The following TRAPPC12 variants were observed in gnomAD, a reference collection of about 807,000 sequenced individuals.
The protein encoded by TRAPPC12 is TPR repeat protein 15.
TRAPPC12 carries 61 observed loss-of-function variants against 69.2 expected under a neutral mutation model. That is an observed-to-expected ratio of 0.88 (90% CI 0.72 to 1.09). TRAPPC12 has a LOEUF of 1.09. Ranked by LOEUF, TRAPPC12 falls within the 50% of genes least tolerant of loss-of-function variation. The probability of loss-of-function intolerance (pLI) is 0.00; values close to 1 mark genes in which losing one functional copy is unlikely to be tolerated. For missense variants in TRAPPC12, 1,101 were observed against 1,016.4 expected, an observed-to-expected ratio of 1.08 and a Z score of -1.13; for synonymous variants, 469 against 438.9, an observed-to-expected ratio of 1.07 and a Z score of -0.86.
At chr2:3,430,679 CT>C (rs1203671172) in intron 5 of TRAPPC12, among the ~76,000 whole-genome samples, 1 of 152,194 alleles carries the variant, frequency 6.6e-6, no homozygotes, top group South Asian at 2.1e-4. Flanking sequence ...CAAACATAAC[CT>C]TTTTTGTTCG....
chr2:3,442,921 C>T (rs1280433164), intron 5 of TRAPPC12, among the ~76,000 whole-genome samples: 1 of 152,236 alleles, frequency 6.6e-6, no homozygotes, highest in African/African-American at 2.4e-5. Flanking sequence ...TGTGATTGCC[C>T]TCTGGCATTT....
intron 3 of TRAPPC12, among the ~76,000 whole-genome samples, chr2:3,419,385 A>G (rs1162159134): frequency 6.6e-6 from 1 of 152,258 alleles, no homozygotes; most frequent in Non-Finnish European, 1.5e-5. Flanking sequence ...ATTGCATTGA[A>G]TTTAGACTAG....
At chr2:3,417,039 G>C (rs1249158372) in intron 3 of TRAPPC12, among the ~76,000 whole-genome samples, 2 of 151,952 alleles carry the variant, frequency 1.3e-5, no homozygotes, top group Non-Finnish European at 2.9e-5. Flanking sequence ...CCTCTCCCTG[G>C]CACATGCTTC....
At chr2:3,478,354 C>T (rs1395561669) in intron 10 of TRAPPC12, among the ~76,000 whole-genome samples, 3 of 152,282 alleles carry the variant, frequency 2.0e-5, no homozygotes, top group South Asian at 4.1e-4. Context: ...GTGGCTTGGC[C>T]GGGTGCAGTG....
intron 6 of TRAPPC12, among the ~76,000 whole-genome samples, chr2:3,449,813 G>C (rs1371607837): frequency 1.3e-5 from 2 of 152,142 alleles, no homozygotes; most frequent in Non-Finnish European, 2.9e-5. Context: ...CTTCTTTTCT[G>C]CTGCTTCCAC....
chr2:3,440,994 A>G (rs1664172289), intron 5 of TRAPPC12, among the ~76,000 whole-genome samples: 1 of 152,222 alleles, frequency 6.6e-6, no homozygotes, highest in African/African-American at 2.4e-5. Flanking sequence ...GCATACCTGG[A>G]ATAAATTCTG....
chr2:3,398,560 C>T (rs572310498), intron 2 of TRAPPC12, among the ~76,000 whole-genome samples: 3 of 152,324 alleles, frequency 2.0e-5, no homozygotes, highest in East Asian at 1.9e-4. Context: ...AGCGCTACCC[C>T]GTGAGCATTT....
intron 3 of TRAPPC12, among the ~76,000 whole-genome samples, chr2:3,402,392 C>T (rs1447753644): frequency 1.3e-5 from 2 of 152,118 alleles, no homozygotes; most frequent in African/African-American, 2.4e-5. Flanking sequence ...GAGTTCAAGA[C>T]CAGCCTGGCC....
intron 6 of TRAPPC12, among the ~76,000 whole-genome samples, chr2:3,453,755 G>A (rs898045134): frequency 2.0e-5 from 3 of 152,180 alleles, no homozygotes; most frequent in African/African-American, 4.8e-5. Flanking sequence ...ATTTGCAAAC[G>A]ACACACTGTC....
chr2:3,465,409 T>A (rs773878035), intron 8 of TRAPPC12, among the ~76,000 whole-genome samples, 188 bp from the exon 9 acceptor site: 3 of 152,160 alleles, frequency 2.0e-5, no homozygotes, highest in Non-Finnish European at 4.4e-5. Context: ...CCGGCCCGAC[T>A]GCAGTCGGGA....
In TRAPPC12 at chr2:3,406,707, A is replaced by T. The variant is rs571131519; in HGVS notation, c.1164+4814A>T. Among the ~76,000 whole-genome samples, 30 of 152,312 alleles carry T rather than the reference A, an allele frequency of 2.0e-4. No individual in the cohort carries two copies. The South Asian group carries it at 6.2e-3, about 32-fold the overall frequency. Reference sequence around the variant, plus strand: ...GTGGGCGTGGCCCCTTGGTTTGGCCATGGGGAAGCTGCTGTGATGTATCCT... The same window carrying T: ...GTGGGCGTGGCCCCTTGGTTTGGCCTTGGGGAAGCTGCTGTGATGTATCCT... On this transcript the variant is annotated intron_variant, in intron 3 of 11. Coordinates refer to ENST00000324266, the MANE Select transcript of TRAPPC12 (RefSeq NM_016030.6).
chr2:3,469,251 T>G (rs557927409), intron 9 of TRAPPC12, among the ~76,000 whole-genome samples: 4 of 152,198 alleles, frequency 2.6e-5, no homozygotes, highest in Non-Finnish European at 5.9e-5. Context: ...TGGCTGTGTG[T>G]GAGCCATTCT....
chr2:3,432,574 G>A (rs1191907782), intron 5 of TRAPPC12, among the ~76,000 whole-genome samples: 1 of 152,140 alleles, frequency 6.6e-6, no homozygotes, highest in Non-Finnish European at 1.5e-5. Context: ...GAGTGACCAC[G>A]TTCTGCTTTA....
chr2:3,385,705 G>C lies in TRAPPC12; in HGVS notation c.-4-1915G>C, dbSNP rs142900802. Among the ~76,000 whole-genome samples, 239 of 152,334 alleles carry C rather than the reference G, an allele frequency of 1.6e-3. 2 individuals are homozygous for C. The highest frequency in any genetic ancestry group is 5.3e-3 in the African/African-American group (221 of 41,576). On this transcript the variant is annotated intron_variant, in intron 1 of 11. Transcript: ENST00000324266. ...TAGGGCTGAGGGTAGATGAGACGGA[G>C]GGAAGATCCCTTTCTCTCATCATTA...
At chr2:3,447,364 C>G (rs1338247975) in intron 6 of TRAPPC12, among the ~76,000 whole-genome samples, 1 of 152,192 alleles carries the variant, frequency 6.6e-6, no homozygotes, top group East Asian at 1.9e-4. Flanking sequence ...TCCCACAGTA[C>G]TGGGATTACA....
chr2:3,411,275 C>G (rs112655082), intron 3 of TRAPPC12, among the ~76,000 whole-genome samples: 5 of 152,118 alleles, frequency 3.3e-5, no homozygotes, highest in Admixed American at 6.5e-5. Flanking sequence ...AAGCACTGTT[C>G]TAGGTACAGA....
chr2:3,458,610 T>C (rs556447270), intron 7 of TRAPPC12: 1 of 242,398 alleles, frequency 4.1e-6, no homozygotes, highest in South Asian at 1.5e-4. Context: ...GTGCACTCTC[T>C]TTTCAGTAAT....
chr2:3,442,796 A>AATG (rs751925074), intron 5 of TRAPPC12, among the ~76,000 whole-genome samples: 4 of 152,252 alleles, frequency 2.6e-5, no homozygotes, highest in Non-Finnish European at 5.9e-5. Flanking sequence ...AGGCACAGAT[A>AATG]CATTAAGTGG....
At chr2:3,445,828 G>A (rs1272779176) in intron 6 of TRAPPC12, among the ~76,000 whole-genome samples, 1 of 152,248 alleles carries the variant, frequency 6.6e-6, no homozygotes, top group Non-Finnish European at 1.5e-5. Context: ...TCCAAGAAAG[G>A]ACAGTGCTGT....
Sources: gnomAD v4.1 joint callset for allele counts (sites outside exome capture counted in the v4.1 genomes callset) on GRCh38, gnomAD v4.1.1 for gene constraint, MANE v1.5 for transcripts, NCBI Gene and HGNC (gene_info 2026-07-23, HGNC 2026-07-21) for gene names.